Variants in SLC38A10 observed in about 807,000 individuals in gnomAD.
SLC38A10 encodes the protein solute carrier family 38 member 10.
A neutral mutation model predicts 81.0 loss-of-function variants in SLC38A10; 53 were observed. That is an observed-to-expected ratio of 0.65 (90% CI 0.53 to 0.82). The LOEUF (loss-of-function observed/expected upper bound fraction) is 0.82. Ranked by LOEUF, SLC38A10 falls within the 40% of genes least tolerant of loss-of-function variation. The probability of loss-of-function intolerance (pLI) is 0.00; values close to 1 mark genes in which losing one functional copy is unlikely to be tolerated. For synonymous variants in SLC38A10, 665 were observed against 655.3 expected (o/e 1.01, Z -0.23); for missense variants, 1,471 against 1,545.0 (o/e 0.95, Z 0.80).
chr17:81,293,980 G>C (rs2063329390), intron 1 of SLC38A10, among the ~76,000 whole-genome samples: 1 of 151,996 alleles, frequency 6.6e-6, no homozygotes, highest in Non-Finnish European at 1.5e-5. Flanking sequence ...TTCCAACTGT[G>C]GTAACGTCTG....
At chr17:81,273,409 C>T (rs751366973) in intron 8 of SLC38A10, among the ~76,000 whole-genome samples, 10 of 152,222 alleles carry the variant, frequency 6.6e-5, no homozygotes, top group African/African-American at 1.4e-4. Context: ...AGTGACTTCT[C>T]GGTGCCTCAG....
Position 81,246,086 on chromosome 17 carries a change from C to T in SLC38A10, c.2830G>A (p.Gly944Arg), listed in dbSNP as rs2062847507. The change falls in exon 16 of 16, where the codon GGG (glycine) becomes AGG (arginine). Residue 944 changes from glycine to arginine, a missense_variant. Gly to Arg is a moderately radical substitution (Grantham distance 125). Around this residue, in one of 2 missense-constraint regions of SLC38A10, gnomAD observed 751 missense variants for 717.4 expected, o/e 1.05. Transcript: ENST00000374759. ...DLGLAADLPGGAEGAAAQPQA... is the reference protein window; with the variant it reads ...DLGLAADLPGRAEGAAAQPQA... ...GGCTGTGCAGCTGCTCCTTCCGCCC[C>T]ACCGGGCAGGTCCGCTGCAAGGCCC... The T allele has an allele frequency of 6.2e-7, 1 of 1,608,518 alleles. No homozygotes were observed. The highest frequency in any genetic ancestry group is 1.7e-5 in the Admixed American group (1 of 59,944).
chr17:81,248,383 C>A (rs2062874055), intron 14 of SLC38A10, among the ~76,000 whole-genome samples: 1 of 152,202 alleles, frequency 6.6e-6, no homozygotes. Context: ...TGATGGGGAG[C>A]CCCAGTGCAC....
At chr17:81,249,997 C>G (rs2146882637) in intron 14 of SLC38A10, 1 of 1,256,272 alleles carries the variant, frequency 8.0e-7, no homozygotes, top group African/African-American at 1.5e-5. Context: ...AGGTGTGCCA[C>G]CGAGGGGCTG....
rs550697047 is a variant in SLC38A10, at chr17:81,273,082, G to A, written c.913-455C>T. 7.9e-5 allele frequency among the ~76,000 whole-genome samples: 12 copies of A among 152,230 alleles called. 1 individual carries two copies. The highest frequency in any genetic ancestry group is 2.9e-4 in the African/African-American group (12 of 41,528). Reference sequence around the variant, plus strand: ...CCCCCAAACACACGCACACATGGCCGTGTTATCTCCAGCAGATGTGCAACA... The same window carrying A: ...CCCCCAAACACACGCACACATGGCCATGTTATCTCCAGCAGATGTGCAACA... On this transcript the variant is annotated intron_variant, in intron 8 of 15. Coordinates refer to ENST00000374759, the MANE Select transcript of SLC38A10 (RefSeq NM_001037984.3).
chr17:81,256,355 G>C (rs1362697900), intron 11 of SLC38A10, among the ~76,000 whole-genome samples: 1 of 152,214 alleles, frequency 6.6e-6, no homozygotes, highest in Non-Finnish European at 1.5e-5. Flanking sequence ...TTCAAGGCTG[G>C]CGTCCACCCC....
In SLC38A10 at chr17:81,285,910, G is replaced by A. The variant is rs545156882; in HGVS notation, c.218-1015C>T. ...ACAGCGTTGCCAAACGCCAGAGCCC[G>A]GGAGCAGCAAAGACCCCACCTCCAG... On this transcript the variant is annotated intron_variant, in intron 2 of 15. Coordinates refer to ENST00000374759, the MANE Select transcript of SLC38A10 (RefSeq NM_001037984.3). Among the ~76,000 whole-genome samples the A allele has an allele frequency of 2.6e-5, 4 of 152,316 alleles. No individual in the cohort carries two copies. The South Asian group carries it at 6.2e-4, about 24-fold the overall frequency.
At chr17:81,250,230 G>T in intron 14 of SLC38A10, 1 of 891,784 alleles carries the variant, frequency 1.1e-6, no homozygotes, top group Non-Finnish European at 1.5e-6. Flanking sequence ...AACAAACATG[G>T]CCAGACTAAA....
rs759784617 is a variant in SLC38A10, at chr17:81,246,673, A to G, written c.2243T>C (p.Val748Ala). The G allele has an allele frequency of 1.4e-5, 21 of 1,503,490 alleles. No individual in the cohort carries two copies. The African/African-American group carries it at 2.8e-4, about 20-fold the overall frequency. 93.1% of individuals were successfully genotyped at this position (1,503,490 alleles called of 1,614,324 possible). The change falls in exon 16 of 16, where the codon GTG (valine) becomes GCG (alanine). Residue 748 changes from valine (V) to alanine (A), a missense_variant and splice_region_variant. By Grantham distance (64) the Val-to-Ala change is moderately conservative. Transcript: ENST00000374759. ...TGCCCCGGGCTCTTGATGCACCTCC[A>G]CTGCAAATGAAGTCGGTCATCAATT... ...QEDEEDKPRQVEVHQEPGAAV... is the reference protein window; with the variant it reads ...QEDEEDKPRQAEVHQEPGAAV...
At chr17:81,261,163 TC>T (rs1181808132) in intron 10 of SLC38A10, among the ~76,000 whole-genome samples, 1 of 152,234 alleles carries the variant, frequency 6.6e-6, no homozygotes, top group East Asian at 1.9e-4. Context: ...ATCGTAAGCA[TC>T]ACACGTGCCG....
chr17:81,289,893 C>T lies in SLC38A10; in HGVS notation c.100-85G>A. On this transcript the variant is annotated intron_variant, in intron 1 of 15. Coordinates refer to ENST00000374759, the MANE Select transcript of SLC38A10 (RefSeq NM_001037984.3). The surrounding 1 kb of genome is among the most constrained non-coding windows in gnomAD (Gnocchi z 5.9). ...CCCCACACACGCGGCTCATGAGGAC[C>T]CTCTTCACCCCCAGGCCCCGCTCCA... The T allele has an allele frequency of 9.2e-7, 1 of 1,088,358 alleles. No individual in the cohort carries two copies. The highest frequency in any genetic ancestry group is 1.3e-6 in the Non-Finnish European group (1 of 771,310). 67.4% of individuals were successfully genotyped at this position (1,088,358 alleles called of 1,614,324 possible). A position where few individuals can be genotyped will look rare whatever the true frequency, so the allele number is the denominator to read the frequency against.
chr17:81,246,632 G>A lies in SLC38A10; in HGVS notation c.2284C>T (p.Gln762Ter). The part of the protein sequence containing the change: ...QEPGAAVPRG[Q>*]EAPEGKARET... ...CTGGCCTTGCCTTCAGGGGCCTCCT[G>A]GCCTCTGGGCACCGCTGCCCCGGGC... The change falls in exon 16 of 16, where the codon CAG (glutamine) becomes TAG (stop). Residue 762 changes from glutamine (Q) to a stop codon, truncating the protein, a stop_gained. Coordinates refer to ENST00000374759, the MANE Select transcript of SLC38A10 (RefSeq NM_001037984.3). LOFTEE classifies it low-confidence loss of function (END_TRUNC). The A allele has an allele frequency of 6.6e-7, 1 of 1,514,248 alleles. No individual in the cohort carries two copies. 93.8% of individuals were successfully genotyped at this position (1,514,248 alleles called of 1,614,324 possible).
rs768504860 is a variant in SLC38A10 at position 81,253,194 on chromosome 17, C to T, written c.1335G>A (p.Pro445=). The change falls in exon 12 of 16, where the codon CCG becomes CCA. Residue 445 remains proline (P), a synonymous_variant. Coordinates refer to ENST00000374759, the MANE Select transcript of SLC38A10 (RefSeq NM_001037984.3). This position sits in a 1 kb window ranked among gnomAD's most constrained non-coding sequence, Gnocchi z 4.1. ...GCTCCTCTCTCTCCTTCGGCAGCTT[C>T]GGCTTCTCCCGGCCATCCTCAGCCA... The part of the protein sequence containing the change: ...VAVAEDGREK[P]KLPKEREELE... The T allele has an allele frequency of 2.9e-5, 47 of 1,613,638 alleles. No homozygotes were observed. In the South Asian group the frequency reaches 3.4e-4, roughly 12 times the overall value.
At chr17:81,251,755 C>T in intron 13 of SLC38A10, 143 bp from the exon 14 acceptor site, 1 of 854,540 alleles carries the variant, frequency 1.2e-6, no homozygotes, top group Admixed American at 3.7e-5. Context: ...AGTTTATATT[C>T]AACCTGATGA....
At chr17:81,248,396 C>T (rs759523270) in intron 14 of SLC38A10, among the ~76,000 whole-genome samples, 3 of 152,300 alleles carry the variant, frequency 2.0e-5, no homozygotes, top group Non-Finnish European at 4.4e-5. Flanking sequence ...CAGTGCACCC[C>T]GTGTTAAGAG....
intron 14 of SLC38A10, chr17:81,251,262 G>A (rs557587675): frequency 6.6e-5 from 97 of 1,471,734 alleles, no homozygotes; most frequent in Middle Eastern, 2.0e-4. Context: ...GCCATGTGAC[G>A]ATGCCGCAGG....
intron 11 of SLC38A10, among the ~76,000 whole-genome samples, chr17:81,258,805 G>C (rs1394390801): frequency 3.3e-5 from 5 of 152,216 alleles, no homozygotes; most frequent in Non-Finnish European, 7.3e-5. Flanking sequence ...CGTTTTTCCA[G>C]TCCGAATTAC....
At position 81,252,527 on chromosome 17, in the gene SLC38A10, A is replaced by G. The variant is rs779645882; in HGVS notation, c.1613T>C (p.Met538Thr). The G allele has an allele frequency of 1.2e-6, 2 of 1,613,292 alleles. No individual in the cohort carries two copies. Among genetic ancestry groups the G allele is most frequent in the Non-Finnish European group, 8.5e-7 (1 of 1,180,016 alleles). Residue 538 changes from methionine to threonine, a missense_variant, in exon 13 of 16, where the codon ATG becomes ACG. Met to Thr is a moderately conservative substitution (Grantham distance 81, BLOSUM62 -1). Coordinates refer to ENST00000374759, the MANE Select transcript of SLC38A10 (RefSeq NM_001037984.3). ...TTCTGAGTCGGGCAGAGGCGGCGCCATCTGGCCCTGGACCCCTGGAGCCTT... is the reference window on the plus strand; with the variant it reads ...TTCTGAGTCGGGCAGAGGCGGCGCCGTCTGGCCCTGGACCCCTGGAGCCTT... ...GGKAPGVQGQ[M>T]APPLPDSERE...
At chr17:81,250,008 C>G (rs1016894458) in intron 14 of SLC38A10, 76 of 1,268,900 alleles carry the variant, frequency 6.0e-5, no homozygotes, top group Non-Finnish European at 7.8e-5. Context: ...CGAGGGGCTG[C>G]GCTCAGGTCT....
Sources: allele counts gnomAD v4.1 joint callset (sites outside exome capture counted in the v4.1 genomes callset), GRCh38; gene constraint gnomAD v4.1.1; regional missense constraint gnomAD v4.1.1; non-coding constraint Gnocchi (gnomAD v3.1); transcripts MANE v1.5; gene names NCBI Gene and HGNC (gene_info 2026-07-23, HGNC 2026-07-21).